Variants in CLIC6 observed in about 807,000 individuals in gnomAD.
CLIC6 encodes chloride intracellular channel protein 6.
CLIC6 carries 39 observed loss-of-function variants against 49.2 expected under a neutral mutation model. That is an observed-to-expected ratio of 0.79 (90% CI 0.61 to 1.04). The LOEUF (loss-of-function observed/expected upper bound fraction) is 1.04, where lower values mean the gene tolerates loss of function less well. Among genes scored for constraint, CLIC6 ranks in the 50% least tolerant of loss-of-function variants. The probability of loss-of-function intolerance (pLI) is 0.00; values close to 1 mark genes in which losing one functional copy is unlikely to be tolerated. For synonymous variants in CLIC6, 446 were observed against 433.4 expected, an observed-to-expected ratio of 1.03 and a Z score of -0.36; for missense variants, 988 against 993.1, an observed-to-expected ratio of 0.99 and a Z score of 0.07.
intron 1 of CLIC6, among the ~76,000 whole-genome samples, chr21:34,693,753 T>C (rs866529928): frequency 2.6e-5 from 4 of 152,278 alleles, no homozygotes; most frequent in Non-Finnish European, 2.9e-5. Context: ...TCGAAACAGT[T>C]ACTATAGTTC....
At chr21:34,677,070 C>T (rs1009925) in intron 1 of CLIC6, among the ~76,000 whole-genome samples, 208 of 152,286 alleles carry the variant, frequency 1.4e-3, no homozygotes, top group Admixed American at 2.2e-3. Context: ...CACAGGGAGA[C>T]GGTATCCAAG....
At chr21:34,701,453 A>G (rs1428246269) in intron 1 of CLIC6, among the ~76,000 whole-genome samples, 1 of 152,060 alleles carries the variant, frequency 6.6e-6, no homozygotes, top group Non-Finnish European at 1.5e-5. Flanking sequence ...TGGAAGAGTA[A>G]TGATGATGAT....
At chr21:34,670,856 T>C in intron 1 of CLIC6, 94 bp downstream of exon 1, 1 of 1,360,268 alleles carries the variant, frequency 7.4e-7, no homozygotes. Context: ...GGAGGAACCC[T>C]TGGTGGTATC....
Position 34,709,342 on chromosome 21 carries a change from G to A in CLIC6, c.1718-15G>A. 1 of 1,603,402 alleles carries A rather than the reference G, an allele frequency of 6.2e-7. No homozygotes were observed. The highest frequency in any genetic ancestry group is 8.5e-7 in the Non-Finnish European group (1 of 1,173,892). On this transcript the variant is annotated splice_polypyrimidine_tract_variant and intron_variant, in intron 4 of 5. Transcript: ENST00000349499. The stretch of plus-strand genomic sequence containing the variant: ...TGCAAACCTCTCTTTGTGATTTCTT[G>A]CCCTTCTGTTTTAGTTCATGAAAAG...
In CLIC6 at chr21:34,689,471, A is replaced by G. The variant is rs143403827; in HGVS notation, c.1375-17809A>G. ...CTGTGTTTCAAACCACGTGCCTTGT[A>G]TCTCACTACCATTCGGAGTATTATT... On this transcript the variant is annotated intron_variant, in intron 1 of 5. Transcript: ENST00000349499. Among the ~76,000 whole-genome samples, 550 of 152,312 alleles carry G rather than the reference A, an allele frequency of 3.6e-3. 5 individuals carry two copies. Among genetic ancestry groups the G allele is most frequent in the African/African-American group, 0.013 (524 of 41,578 alleles).
chr21:34,675,462 G>A (rs940740591), intron 1 of CLIC6, among the ~76,000 whole-genome samples: 6 of 152,142 alleles, frequency 3.9e-5, no homozygotes, highest in Non-Finnish European at 7.3e-5. Flanking sequence ...TCACAACTAT[G>A]TGTTCTGAAG....
intron 1 of CLIC6, among the ~76,000 whole-genome samples, chr21:34,678,428 T>C (rs1989715063): frequency 6.7e-6 from 1 of 149,288 alleles, no homozygotes; most frequent in Non-Finnish European, 1.5e-5. Context: ...AGAGACTCCA[T>C]CTAAAAAAAA....
intron 1 of CLIC6, among the ~76,000 whole-genome samples, chr21:34,680,322 G>A (rs1989753767): frequency 6.6e-6 from 1 of 152,192 alleles, no homozygotes; most frequent in Admixed American, 6.5e-5. Flanking sequence ...AGGGCACTAA[G>A]TCCCTAGGCT....
chr21:34,676,810 G>A (rs1989680426), intron 1 of CLIC6, among the ~76,000 whole-genome samples: 1 of 152,256 alleles, frequency 6.6e-6, no homozygotes, highest in South Asian at 2.1e-4. Context: ...TTCTAAAACA[G>A]GTGATCTTTG....
Position 34,669,855 on chromosome 21 carries a change from CG to C in CLIC6, c.472del (p.Asp158ThrfsTer3), listed in dbSNP as rs1989498783. 3.6e-6 allele frequency: 5 copies of C among 1,400,966 alleles called. No individual in the cohort carries two copies. The highest frequency in any genetic ancestry group is 1.6e-5 in the South Asian group (1 of 64,176). 86.8% of individuals were successfully genotyped at this position (1,400,966 alleles called of 1,614,324 possible). On this transcript the variant is annotated frameshift_variant, in exon 1 of 6. Transcript: ENST00000349499. LOFTEE classifies it high-confidence loss of function. ...CCGGAAGGTAGCGCGTCCGGGGAGG[CG>C]GGGGACAGCGTAGACGCGGAGGGCC... ...EVPEGSASGEAGDSVDAEGPL... is the reference protein window; with the variant it reads ...EVPEGSASGEXGDSVDAEGPL...
rs566617675 is a variant in CLIC6, at chr21:34,697,980, G to A, written c.1375-9300G>A. Among the ~76,000 whole-genome samples the A allele has an allele frequency of 6.6e-5, 10 of 151,560 alleles. No individual in the cohort carries two copies. The East Asian group carries it at 1.2e-3, about 18-fold the overall frequency. On this transcript the variant is annotated intron_variant, in intron 1 of 5. Coordinates refer to ENST00000349499, the MANE Select transcript of CLIC6 (RefSeq NM_053277.3). ...CATAGGCCTGTGAGGACAGGGTTTCGCTGTCTCTATAGGAGCTCACTGTGA... is the reference window on the plus strand; with the variant it reads ...CATAGGCCTGTGAGGACAGGGTTTCACTGTCTCTATAGGAGCTCACTGTGA...
intron 1 of CLIC6, among the ~76,000 whole-genome samples, chr21:34,673,590 T>C (rs1989610293): frequency 6.6e-6 from 1 of 152,196 alleles, no homozygotes; most frequent in African/African-American, 2.4e-5. Context: ...CACACCTGGC[T>C]GAGATTTGTT....
chr21:34,717,427 A>G lies in CLIC6; in HGVS notation c.*945A>G, dbSNP rs2056094058. 1 of 152,182 alleles carries G rather than the reference A, an allele frequency of 6.6e-6. No homozygotes were observed. 9.4% of individuals were successfully genotyped at this position (152,182 alleles called of 1,614,324 possible). ...GGATAGCAATACTTCTCTGCCCTTC[A>G]TTGTCTCATCTAGACATCAAGCAGG... On this transcript the variant is annotated 3_prime_UTR_variant, in exon 6 of 6. Coordinates refer to ENST00000349499, the MANE Select transcript of CLIC6 (RefSeq NM_053277.3).
At chr21:34,697,474 C>T (rs1170566543) in intron 1 of CLIC6, among the ~76,000 whole-genome samples, 1 of 152,160 alleles carries the variant, frequency 6.6e-6, no homozygotes, top group African/African-American at 2.4e-5. Context: ...TTGGTCCCAC[C>T]TCCTCAGCAT....
intron 1 of CLIC6, among the ~76,000 whole-genome samples, chr21:34,680,499 C>G (rs2145800493): frequency 6.6e-6 from 1 of 152,354 alleles, no homozygotes; most frequent in East Asian, 1.9e-4. Context: ...CAAATCTCTG[C>G]AGCAGGCTTG....
rs186952765 is a variant in CLIC6 at position 34,669,521 on chromosome 21, G to C, written c.133G>C (p.Glu45Gln). Residue 45 changes from glutamate to glutamine, a missense_variant, in exon 1 of 6, where the codon GAG becomes CAG. Physicochemically the swap from Glu to Gln is conservative, Grantham distance 29 (BLOSUM62 2). Transcript: ENST00000349499. ...GGEAEGPEGS[E>Q]GAEEAPRGAA... is the part of the protein sequence containing the mutation. ...GGAGGCAGAAGGGCCGGAGGGGAGC[G>C]AGGGCGCAGAGGAGGCGCCGAGGGG... 807 of 1,240,630 alleles carry C rather than the reference G, an allele frequency of 6.5e-4. No individual in the cohort carries two copies. Among genetic ancestry groups the C allele is most frequent in the Non-Finnish European group, 7.5e-4 (747 of 993,714 alleles). The allele number at this position is 1,240,630 out of a possible 1,614,324, so 76.9% of individuals were successfully genotyped here. A position where few individuals can be genotyped will look rare whatever the true frequency, so the allele number is the denominator to read the frequency against.
chr21:34,708,147 G>A, intron 3 of CLIC6, 78 bp downstream of exon 3: 1 of 1,167,082 alleles, frequency 8.6e-7, no homozygotes, highest in Non-Finnish European at 1.2e-6. Flanking sequence ...GCTCTGGGCA[G>A]TGTGTGTGTG....
Position 34,669,647 on chromosome 21 carries a change from G to A in CLIC6, c.259G>A (p.Glu87Lys), listed in dbSNP as rs550025052. The part of the protein sequence containing the change: ...RGAHGETEAE[E>K]GAPEGAEVPQ... ...GGCGCACGGCGAGACTGAGGCCGAG[G>A]AGGGAGCCCCGGAGGGTGCCGAGGT... Residue 87 changes from glutamate (E) to lysine (K), a missense_variant, in exon 1 of 6, where the codon GAG (glutamate) becomes AAG (lysine). Physicochemically the swap from Glu to Lys is moderately conservative, Grantham distance 56. Transcript: ENST00000349499. The A allele has an allele frequency of 1.6e-4, 213 of 1,314,542 alleles. 1 individual carries two copies. The East Asian group carries it at 6.6e-3, about 41-fold the overall frequency. The allele number at this position is 1,314,542 out of a possible 1,614,324, so 81.4% of individuals were successfully genotyped here.
At chr21:34,687,646 T>G (rs907002609) in intron 1 of CLIC6, among the ~76,000 whole-genome samples, 2 of 152,252 alleles carry the variant, frequency 1.3e-5, no homozygotes, top group African/African-American at 2.4e-5. Context: ...CAGTAATTAA[T>G]CAATGTGAGT....
Sources: gnomAD v4.1 joint callset for allele counts (sites outside exome capture counted in the v4.1 genomes callset) on GRCh38, gnomAD v4.1.1 for gene constraint, MANE v1.5 for transcripts, NCBI Gene and HGNC (gene_info 2026-07-23, HGNC 2026-07-21) for gene names.